The following ATP9B variants were observed in gnomAD, a reference collection of about 807,000 sequenced individuals.
The protein encoded by ATP9B is ATPase phospholipid transporting 9B.
ATP9B carries 110 observed loss-of-function variants against 146.1 expected under a neutral mutation model. That is an observed-to-expected ratio of 0.75 (90% CI 0.65 to 0.88). ATP9B has a LOEUF of 0.88. Ranked by LOEUF, ATP9B falls within the 40% of genes least tolerant of loss-of-function variation. ATP9B has a pLI of 0.00. For synonymous variants in ATP9B, 604 were observed against 569.7 expected, an observed-to-expected ratio of 1.06 and a Z score of -0.86; for missense variants, 1,499 against 1,496.4, an observed-to-expected ratio of 1.00 and a Z score of -0.03.
intron 19 of ATP9B, 92 bp from the exon 20 acceptor site, chr18:79,342,176 T>G (rs887205779): frequency 1.0e-6 from 1 of 957,206 alleles, no homozygotes; most frequent in Non-Finnish European, 1.7e-6. Context: ...CCTGGGTTGC[T>G]TCCACCTTTT....
intron 25 of ATP9B, among the ~76,000 whole-genome samples, chr18:79,348,587 A>G (rs920177863): frequency 1.3e-5 from 2 of 152,242 alleles, no homozygotes; most frequent in Admixed American, 1.3e-4. Context: ...CCAGCAGCAA[A>G]GAGAGAACAG....
chr18:79,125,593 TC>T (rs1433529693), intron 4 of ATP9B, among the ~76,000 whole-genome samples: 1 of 152,212 alleles, frequency 6.6e-6, no homozygotes. Context: ...TGAAGAATAT[TC>T]CTGTAACATG....
chr18:79,359,250 A>G, intron 25 of ATP9B, 104 bp from the exon 26 acceptor site: 2 of 796,712 alleles, frequency 2.5e-6, no homozygotes, highest in Non-Finnish European at 4.0e-6. Flanking sequence ...TTTGTGGAGT[A>G]TTTTTTGGTG....
chr18:79,264,109 CAT>C (rs1027408890), intron 12 of ATP9B, among the ~76,000 whole-genome samples: 2 of 151,956 alleles, frequency 1.3e-5, no homozygotes, highest in African/African-American at 4.8e-5. Context: ...GAAAAAAAAA[CAT>C]ATCTAGGAGC....
At chr18:79,224,772 G>A (rs2095712807) in intron 11 of ATP9B, among the ~76,000 whole-genome samples, 1 of 152,206 alleles carries the variant, frequency 6.6e-6, no homozygotes, top group South Asian at 2.1e-4. Flanking sequence ...CTTAGGCAGA[G>A]AGAAACCCTC....
At chr18:79,237,689 TG>T (rs72074123) in intron 11 of ATP9B, among the ~76,000 whole-genome samples, 30,229 of 142,622 alleles carry the variant, frequency 0.21, 4,305 homozygotes, top group African/African-American at 0.4. Flanking sequence ...TTTTTTTTTT[TG>T]GGGGGGGGTG....
intron 11 of ATP9B, among the ~76,000 whole-genome samples, chr18:79,214,372 G>A (rs936082537): frequency 6.6e-6 from 1 of 152,048 alleles, no homozygotes; most frequent in Non-Finnish European, 1.5e-5. Context: ...ACTCTTTTAT[G>A]TTGATGGTTC....
chr18:79,126,873 A>G (rs566061549), intron 5 of ATP9B, among the ~76,000 whole-genome samples: 1 of 152,182 alleles, frequency 6.6e-6, no homozygotes, highest in East Asian at 1.9e-4. Context: ...CAGGGCCTTA[A>G]CTCTTGCTTA....
rs753791914 is a variant in ATP9B, at chr18:79,337,261, C to T, written c.2113-18C>T. On this transcript the variant is annotated intron_variant, in intron 18 of 29. Coordinates refer to ENST00000426216, the MANE Select transcript of ATP9B (RefSeq NM_198531.5). Reference sequence around the variant, plus strand: ...CACGTACACGTGTGCACACAGGCGCCTCCCCCTCTGTCCCCAGAGCCGATA... The same window carrying T: ...CACGTACACGTGTGCACACAGGCGCTTCCCCCTCTGTCCCCAGAGCCGATA... The T allele has an allele frequency of 1.2e-6, 2 of 1,613,542 alleles. No homozygotes were observed. Among genetic ancestry groups the T allele is most frequent in the South Asian group, 1.1e-5 (1 of 91,070 alleles).
intron 12 of ATP9B, among the ~76,000 whole-genome samples, chr18:79,267,697 G>T (rs1568535309): frequency 6.6e-6 from 1 of 151,994 alleles, no homozygotes; most frequent in Admixed American, 6.6e-5. Flanking sequence ...TAGTTTGATT[G>T]TATTTTTCTC....
chr18:79,320,952 G>A lies in ATP9B; in HGVS notation c.1774-8189G>A, dbSNP rs544576956. On this transcript the variant is annotated intron_variant, in intron 15 of 29. Coordinates refer to ENST00000426216, the MANE Select transcript of ATP9B (RefSeq NM_198531.5). ...GAGCTTACATACTTTAGGAAAGTGT[G>A]TATATTTTAATCTCTCAAACATCTT... 4.6e-5 allele frequency among the ~76,000 whole-genome samples: 7 copies of A among 152,272 alleles called. No individual in the cohort carries two copies. The South Asian group carries it at 1.5e-3, about 32-fold the overall frequency.
chr18:79,187,634 C>G (rs574376692), intron 8 of ATP9B, among the ~76,000 whole-genome samples: 7 of 152,300 alleles, frequency 4.6e-5, no homozygotes, highest in African/African-American at 1.7e-4. Flanking sequence ...GTCTGATTCC[C>G]CCTGTGCTGC....
chr18:79,190,938 T>G (rs1600307178), intron 8 of ATP9B, among the ~76,000 whole-genome samples: 2 of 152,200 alleles, frequency 1.3e-5, no homozygotes, highest in East Asian at 3.8e-4. Context: ...CTTTTGTTCC[T>G]TACCATTCCT....
chr18:79,069,795 C>G (rs1359032643), intron 1 of ATP9B, among the ~76,000 whole-genome samples: 1 of 152,234 alleles, frequency 6.6e-6, no homozygotes, highest in Non-Finnish European at 1.5e-5. Flanking sequence ...CAGAGAACCG[C>G]GGTCCAGTGT....
At chr18:79,304,023 C>T (rs1049920785) in intron 14 of ATP9B, among the ~76,000 whole-genome samples, 1 of 152,130 alleles carries the variant, frequency 6.6e-6, no homozygotes. Flanking sequence ...TAGGATACTA[C>T]ATCAATATGT....
intron 3 of ATP9B, among the ~76,000 whole-genome samples, chr18:79,111,935 G>A (rs1285312047): frequency 6.6e-6 from 1 of 152,150 alleles, no homozygotes; most frequent in Non-Finnish European, 1.5e-5. Flanking sequence ...CAATTTCTAA[G>A]TTGCTAATAG....
intron 15 of ATP9B, among the ~76,000 whole-genome samples, chr18:79,315,735 A>G (rs1368213176): frequency 6.6e-6 from 1 of 152,122 alleles, no homozygotes; most frequent in African/African-American, 2.4e-5. Flanking sequence ...TGGCTGTGCT[A>G]CTCTTGGGTC....
chr18:79,303,855 C>T (rs1383610187), intron 14 of ATP9B, 139 bp downstream of exon 14: 10 of 546,748 alleles, frequency 1.8e-5, no homozygotes, highest in Non-Finnish European at 2.6e-5. Flanking sequence ...GTCGTCTGTT[C>T]GAATATACGA....
At chr18:79,244,759 G>A (rs1262047217) in intron 11 of ATP9B, among the ~76,000 whole-genome samples, 2 of 151,960 alleles carry the variant, frequency 1.3e-5, no homozygotes, top group Non-Finnish European at 2.9e-5. Flanking sequence ...AGAAAGATTT[G>A]TAAGGAGCAT....
Sources: gnomAD v4.1 joint callset for allele counts (sites outside exome capture counted in the v4.1 genomes callset) on GRCh38, gnomAD v4.1.1 for gene constraint, MANE v1.5 for transcripts, NCBI Gene and HGNC (gene_info 2026-07-23, HGNC 2026-07-21) for gene names.